OR2L13: variants seen among roughly 807,000 people sequenced by gnomAD.
OR2L13 encodes the protein olfactory receptor 2L13.
A neutral mutation model predicts 15.3 loss-of-function variants in OR2L13; 14 were observed. The observed-to-expected ratio is 0.91, with a 90% CI of 0.60 to 1.43. The LOEUF is 1.43. Among genes scored for constraint, OR2L13 ranks in the 40% most tolerant of loss-of-function variants. The probability of loss-of-function intolerance (pLI) is 0.00; values close to 1 mark genes in which losing one functional copy is unlikely to be tolerated. For synonymous variants in OR2L13, 152 were observed against 142.9 expected (o/e 1.06, Z -0.45); for missense variants, 367 against 387.9 (o/e 0.95, Z 0.45).
chr1:247,976,232 A>G, the OR2L13 span, among the ~76,000 whole-genome samples: 466 of 152,234 alleles, frequency 3.1e-3, no homozygotes, highest in Non-Finnish European at 5.7e-3. Context: ...AGATTATTTG[A>G]ACCATTCCCC....
At chr1:248,015,350 G>A in the OR2L13 span, among the ~76,000 whole-genome samples, 1 of 152,226 alleles carries the variant, frequency 6.6e-6, no homozygotes, top group Non-Finnish European at 1.5e-5. Flanking sequence ...GTGGAGAGCC[G>A]TCCTTGCCTA....
the OR2L13 span, among the ~76,000 whole-genome samples, chr1:248,053,109 C>T: frequency 1.3e-4 from 20 of 152,058 alleles, no homozygotes; most frequent in African/African-American, 4.8e-4. Context: ...TCCCCTCCAC[C>T]GCCCTCCCAC....
chr1:248,022,807 T>A, the OR2L13 span: 1 of 1,613,530 alleles, frequency 6.2e-7, no homozygotes, highest in Non-Finnish European at 8.5e-7. Flanking sequence ...CTCAACCCCA[T>A]CATCTACAGC....
At chr1:248,067,931 C>G in the OR2L13 span, among the ~76,000 whole-genome samples, 2 of 152,150 alleles carry the variant, frequency 1.3e-5, no homozygotes, top group Non-Finnish European at 2.9e-5. Context: ...AAGGTGGCAG[C>G]GAGGCTGGGG....
At chr1:248,075,880 T>C in the OR2L13 span, among the ~76,000 whole-genome samples, 2 of 152,222 alleles carry the variant, frequency 1.3e-5, no homozygotes, top group South Asian at 4.1e-4. Flanking sequence ...ATTTTGGCTT[T>C]TGTTGCCATT....
the OR2L13 span, among the ~76,000 whole-genome samples, chr1:248,011,662 A>G: frequency 0.037 from 5,658 of 152,180 alleles, 313 homozygotes; most frequent in African/African-American, 0.13. Flanking sequence ...AAGAGGACAT[A>G]AAACCCATTT....
At chr1:248,023,967 TA>T in the OR2L13 span, 3 of 152,332 alleles carry the variant, frequency 2.0e-5, no homozygotes, top group African/African-American at 4.8e-5. Context: ...TTAAAGTGCA[TA>T]AAAACTATTT....
chr1:248,044,066 T>C, the OR2L13 span, among the ~76,000 whole-genome samples: 1 of 152,168 alleles, frequency 6.6e-6, no homozygotes, highest in Non-Finnish European at 1.5e-5. Context: ...CCAAACTTTC[T>C]AGAAATATCA....
the OR2L13 span, among the ~76,000 whole-genome samples, chr1:248,000,123 G>GGTGTGTGT: frequency 7.2e-6 from 1 of 138,246 alleles, no homozygotes; most frequent in African/African-American, 2.7e-5. Context: ...TTTTTTTTTT[G>GGTGTGTGT]GTGTGTGTGT....
At chr1:247,993,967 C>A in the OR2L13 span, among the ~76,000 whole-genome samples, 1 of 152,216 alleles carries the variant, frequency 6.6e-6, no homozygotes, top group East Asian at 1.9e-4. Flanking sequence ...CAATGTGTGG[C>A]AGGGATGCAG....
At chr1:248,032,685 C>A in the OR2L13 span, among the ~76,000 whole-genome samples, 1 of 152,192 alleles carries the variant, frequency 6.6e-6, no homozygotes, top group Admixed American at 6.5e-5. Flanking sequence ...GTCAAAATTT[C>A]TTTCATTTTA....
chr1:247,972,648 A>AAAAC, the OR2L13 span, among the ~76,000 whole-genome samples: 127,656 of 151,916 alleles, frequency 0.84, 55,351 homozygotes, highest in South Asian at 0.97. Flanking sequence ...AAAACAAAAC[A>AAAAC]AAAAAAACCC....
chr1:248,075,709 T>C, the OR2L13 span, among the ~76,000 whole-genome samples: 1 of 152,210 alleles, frequency 6.6e-6, no homozygotes, highest in Admixed American at 6.5e-5. Context: ...TGTTTGTTTT[T>C]CTCTTGTAAA....
At chr1:247,990,996 C>A in the OR2L13 span, 9 of 1,515,684 alleles carry the variant, frequency 5.9e-6, no homozygotes, top group South Asian at 9.0e-5. Context: ...GCAGCACCCA[C>A]CTCACTGTAG....
At chr1:247,995,099 A>G in the OR2L13 span, among the ~76,000 whole-genome samples, 2 of 152,238 alleles carry the variant, frequency 1.3e-5, no homozygotes, top group East Asian at 1.9e-4. Context: ...TCCTCATGAC[A>G]TTAGGTCCAA....
chr1:248,017,395 C>A, the OR2L13 span, among the ~76,000 whole-genome samples: 1 of 151,972 alleles, frequency 6.6e-6, no homozygotes, highest in Non-Finnish European at 1.5e-5. Context: ...GAATTAGAAC[C>A]CTGAAACATG....
the OR2L13 span, chr1:248,039,382 A>G: frequency 4.6e-6 from 2 of 431,668 alleles, no homozygotes; most frequent in Non-Finnish European, 7.9e-6. Flanking sequence ...ATATTCTAAG[A>G]CATCTATTTT....
the OR2L13 span, among the ~76,000 whole-genome samples, chr1:248,027,552 G>A: frequency 6.6e-6 from 1 of 152,022 alleles, no homozygotes; most frequent in Non-Finnish European, 1.5e-5. Context: ...GTCTCCCCCG[G>A]ACACCCAGCT....
At chr1:247,963,964 A>C in the OR2L13 span, among the ~76,000 whole-genome samples, 1 of 152,236 alleles carries the variant, frequency 6.6e-6, no homozygotes, top group African/African-American at 2.4e-5. Flanking sequence ...CTGTGTGACC[A>C]CTTGCCAGTT....
Sources: gnomAD v4.1 joint callset for allele counts (sites outside exome capture counted in the v4.1 genomes callset) on GRCh38, gnomAD v4.1.1 for gene constraint, MANE v1.5 for transcripts, NCBI Gene and HGNC (gene_info 2026-07-23, HGNC 2026-07-21) for gene names.